Variants in USH1C observed in about 807,000 individuals in gnomAD.
USH1C encodes the protein harmonin.
USH1C carries 90 observed loss-of-function variants against 119.3 expected under a neutral mutation model. The ratio of observed to expected loss-of-function variants is 0.75; its 90% CI spans 0.64 to 0.90. The LOEUF (loss-of-function observed/expected upper bound fraction) is 0.90, where lower values mean the gene tolerates loss of function less well. USH1C is among the 40% of genes least tolerant of loss of function. The pLI is 0.00. For synonymous variants in USH1C, 465 were observed against 443.3 expected (o/e 1.05, Z -0.62); for missense variants, 1,165 against 1,167.7 (o/e 1.00, Z 0.03).
intron 23 of USH1C, 26 bp downstream of exon 23, chr11:17,501,025 C>T (rs762948394): frequency 1.2e-6 from 2 of 1,602,474 alleles, no homozygotes; most frequent in South Asian, 2.2e-5. Context: ...CATCCCCAAA[C>T]CTGGGTGTGG....
At chr11:17,513,209 G>A (rs1181707031) in intron 15 of USH1C, among the ~76,000 whole-genome samples, 5 of 152,140 alleles carry the variant, frequency 3.3e-5, no homozygotes, top group African/African-American at 7.2e-5. Context: ...CACGGCAGGA[G>A]GGAGGGTCAG....
chr11:17,527,455 G>A lies in USH1C; in HGVS notation c.388-124C>T, dbSNP rs1308480623. On this transcript the variant is annotated intron_variant, in intron 4 of 26. Coordinates refer to ENST00000005226, the MANE Select transcript of USH1C (RefSeq NM_153676.4). ...GGAAGGGTGGCTGTGCCACCCCCTG[G>A]AATAAGCCTTGATCTCAACCAACCC... 9.9e-6 allele frequency: 8 copies of A among 808,224 alleles called. No homozygotes were observed. In the African/African-American group the frequency reaches 1.3e-4, roughly 14 times the overall value. The allele number at this position is 808,224 out of a possible 1,614,324, so 50.1% of individuals were successfully genotyped here.
chr11:17,515,436 TATC>T (rs1850099761), intron 15 of USH1C, among the ~76,000 whole-genome samples: 1 of 152,214 alleles, frequency 6.6e-6, no homozygotes, highest in Non-Finnish European at 1.5e-5. Context: ...GAGAATTATA[TATC>T]ATCAAGGTCA....
chr11:17,526,794 G>A lies in USH1C; in HGVS notation c.538C>T (p.Leu180Phe). 1 of 1,614,180 alleles carries A rather than the reference G, an allele frequency of 6.2e-7. No homozygotes were observed. The highest frequency in any genetic ancestry group is 8.5e-7 in the Non-Finnish European group (1 of 1,180,016). Reference protein sequence around the residue: ...IPVKSSPDEPLTWQYVDQFVS... With the variant: ...IPVKSSPDEPFTWQYVDQFVS... ...AACTGATCCACATACTGCCAAGTGA[G>A]GGGCTCATCAGGAGAGCTGATGGGA... The change falls in exon 7 of 27, where the codon CTC (leucine) becomes TTC (phenylalanine). Residue 180 changes from leucine (L) to phenylalanine (F), a missense_variant. Physicochemically the swap from Leu to Phe is conservative, Grantham distance 22. Coordinates refer to ENST00000005226, the MANE Select transcript of USH1C (RefSeq NM_153676.4).
chr11:17,498,254 C>T lies in USH1C; in HGVS notation c.2398G>A (p.Asp800Asn). 6.2e-7 allele frequency: 1 copy of T among 1,614,186 alleles called. No homozygotes were observed. The highest frequency in any genetic ancestry group is 8.5e-7 in the Non-Finnish European group (1 of 1,180,018). Residue 800 changes from aspartate (D) to asparagine (N), a missense_variant, in exon 24 of 27, where the codon GAC becomes AAC. By Grantham distance (23) the Asp-to-Asn change is conservative. Transcript: ENST00000005226. The stretch of plus-strand genomic sequence containing the variant: ...TTGCCGTTGATTGCCATGATCTCGT[C>T]CCCTTTCACAATGCCACCTGCAGGC... ...AERHGGIVKG[D>N]EIMAINGKIV...
chr11:17,544,142 G>A lies in USH1C; in HGVS notation c.36+130C>T, dbSNP rs1033648061. On this transcript the variant is annotated intron_variant, in intron 1 of 26. Transcript: ENST00000005226. ...CTGCTGCCAGCCAGACGACCCTCGG[G>A]TGTCCCAGCCCAACCAGAGCCATCA... The A allele has an allele frequency of 2.5e-6, 3 of 1,220,148 alleles. No individual in the cohort carries two copies. The African/African-American group carries it at 4.5e-5, about 18-fold the overall frequency. 75.6% of individuals were successfully genotyped at this position (1,220,148 alleles called of 1,614,324 possible).
intron 18 of USH1C, among the ~76,000 whole-genome samples, chr11:17,509,136 C>T (rs750323510): frequency 1.3e-5 from 2 of 152,136 alleles, no homozygotes; most frequent in Admixed American, 6.5e-5. Context: ...CCCAAAGGTC[C>T]CAGGCCATTC....
intron 1 of USH1C, among the ~76,000 whole-genome samples, chr11:17,540,653 T>C (rs939593013): frequency 2.6e-5 from 4 of 152,160 alleles, no homozygotes; most frequent in African/African-American, 9.6e-5. Context: ...CTCCACCAAA[T>C]GTGGATTCAC....
rs980345976 is a variant in USH1C, at chr11:17,524,498, T to A, written c.712A>T (p.Ile238Phe). The change falls in exon 9 of 27, where the codon ATC becomes TTC. Residue 238 changes from isoleucine to phenylalanine, a missense_variant. Physicochemically the swap from Ile to Phe is conservative, Grantham distance 21. Coordinates refer to ENST00000005226, the MANE Select transcript of USH1C (RefSeq NM_153676.4). ...SGPIQKPGIF[I>F]SHVKPGSLSA... ...AGGGAGCCAGGTTTCACATGGCTGA[T>A]AAAGATGCCAGGCTTCTGGATGGGG... 1.3e-6 allele frequency: 2 copies of A among 1,572,910 alleles called. No individual in the cohort carries two copies. The highest frequency in any genetic ancestry group is 4.7e-5 in the East Asian group (2 of 42,520).
intron 15 of USH1C, chr11:17,514,461 C>G (rs1021454115): frequency 6.6e-6 from 1 of 152,230 alleles, no homozygotes; most frequent in African/African-American, 2.4e-5. Context: ...TCACGTGATT[C>G]GCCTGTCTTG....
At chr11:17,527,125 CCCTCCCTCCCTCCCACCGTCATGGAGT>C (rs1454873499) in intron 5 of USH1C, 71 bp downstream of exon 5, 4 of 942,554 alleles carry the variant, frequency 4.2e-6, no homozygotes, top group African/African-American at 5.4e-5. Flanking sequence ...TGCTCCCCCG[CCCTCCCTCCCTCCCACCGTCATGGAGT>C]ACTGCCCTGC....
chr11:17,494,405 G>T (rs1849170818), intron 26 of USH1C, 29 bp from the exon 27 acceptor site: 1 of 1,582,644 alleles, frequency 6.3e-7, no homozygotes, highest in Non-Finnish European at 8.6e-7. Context: ...AGCCCAGGTG[G>T]ATACAGGCTT....
At chr11:17,516,152 A>T in intron 15 of USH1C, 89 bp downstream of exon 15, 1 of 1,400,716 alleles carries the variant, frequency 7.1e-7, no homozygotes, top group Non-Finnish European at 1.0e-6. Context: ...CACACCATTT[A>T]GTGTTGATAG....
intron 20 of USH1C, among the ~76,000 whole-genome samples, chr11:17,503,034 C>T (rs1377645592): frequency 5.3e-5 from 8 of 152,142 alleles, no homozygotes; most frequent in African/African-American, 1.9e-4. Flanking sequence ...AACTAGGTTC[C>T]GGGCACAAGA....
At chr11:17,540,225 A>T (rs1029380074) in intron 1 of USH1C, among the ~76,000 whole-genome samples, 6 of 152,178 alleles carry the variant, frequency 3.9e-5, no homozygotes, top group African/African-American at 1.2e-4. Flanking sequence ...GTTTGGGGAT[A>T]AATGTGCACG....
intron 15 of USH1C, 25 bp from the exon 16 acceptor site, chr11:17,512,079 A>G (rs1849917575): frequency 1.9e-6 from 3 of 1,613,374 alleles, no homozygotes; most frequent in African/African-American, 2.7e-5. Flanking sequence ...CATTGTTTAT[A>G]TGACAAAGGT....
At chr11:17,520,167 G>A (rs1382661375) in intron 14 of USH1C, among the ~76,000 whole-genome samples, 2 of 152,226 alleles carry the variant, frequency 1.3e-5, no homozygotes, top group Admixed American at 1.3e-4. Context: ...CTCTTAAAGA[G>A]GCATATGGAA....
At chr11:17,496,651 G>T in intron 25 of USH1C, 107 bp downstream of exon 25, 1 of 1,377,678 alleles carries the variant, frequency 7.3e-7, no homozygotes, top group Non-Finnish European at 1.0e-6. Context: ...TGCGTGCTTG[G>T]GCCATTCCTT....
chr11:17,517,164 C>G (rs192362424), intron 14 of USH1C, among the ~76,000 whole-genome samples: 204 of 152,272 alleles, frequency 1.3e-3, no homozygotes, highest in African/African-American at 4.7e-3. Context: ...ATATTCGAGC[C>G]AGCGGTTCAG....
Sources: gnomAD v4.1 joint callset for allele counts (sites outside exome capture counted in the v4.1 genomes callset) on GRCh38, gnomAD v4.1.1 for gene constraint, MANE v1.5 for transcripts, NCBI Gene and HGNC (gene_info 2026-07-23, HGNC 2026-07-21) for gene names.